Variants in RALYL observed in about 807,000 individuals in gnomAD.
The protein encoded by RALYL is RNA-binding Raly-like protein.
Under a neutral mutation model 35.1 loss-of-function variants are expected in RALYL, and 29 were observed. The observed-to-expected ratio is 0.83, with a 90% CI of 0.61 to 1.13. The LOEUF is 1.13. RALYL is among the 50% of genes most tolerant of loss of function. The pLI is 0.00. For missense variants in RALYL, 359 were observed against 360.4 expected, an observed-to-expected ratio of 1.00 and a Z score of 0.03; for synonymous variants, 120 against 127.6, an observed-to-expected ratio of 0.94 and a Z score of 0.40.
chr8:84,889,543 T>A (rs1447540521), intron 8 of RALYL, among the ~76,000 whole-genome samples: 1 of 152,146 alleles, frequency 6.6e-6, no homozygotes, highest in East Asian at 1.9e-4. Context: ...TTAGGCCATC[T>A]TCTCTTTCTA....
chr8:84,632,368 AT>A (rs1366139438), intron 2 of RALYL, among the ~76,000 whole-genome samples: 1 of 151,920 alleles, frequency 6.6e-6, no homozygotes, highest in African/African-American at 2.4e-5. Flanking sequence ...ATGGGAAGAA[AT>A]TTTTTTCCAA....
At chr8:84,690,599 T>C (rs985338167) in intron 2 of RALYL, among the ~76,000 whole-genome samples, 1 of 152,132 alleles carries the variant, frequency 6.6e-6, no homozygotes, top group Non-Finnish European at 1.5e-5. Flanking sequence ...TATACAATTA[T>C]AAATTGTAAA....
chr8:84,707,283 G>A (rs1350637282), intron 2 of RALYL, among the ~76,000 whole-genome samples: 1 of 151,968 alleles, frequency 6.6e-6, no homozygotes, highest in African/African-American at 2.4e-5. Flanking sequence ...ACTTTTTTCA[G>A]GTAAAAATGA....
intron 2 of RALYL, among the ~76,000 whole-genome samples, chr8:84,661,943 T>C (rs1330534859): frequency 3.0e-5 from 4 of 132,926 alleles, no homozygotes; most frequent in African/African-American, 1.3e-4. Context: ...TTTGTTACTG[T>C]TTTTTTTTTT....
At chr8:84,374,357 T>C (rs1157982248) in intron 1 of RALYL, among the ~76,000 whole-genome samples, 2 of 151,968 alleles carry the variant, frequency 1.3e-5, no homozygotes, top group African/African-American at 2.4e-5. Context: ...CATAGGTACC[T>C]CTTATTATTT....
rs1008989027 is a variant in RALYL, at chr8:84,677,269, A to T, written c.257-97310A>T. Among the ~76,000 whole-genome samples, 3 of 152,238 alleles carry T rather than the reference A, an allele frequency of 2.0e-5. No homozygotes were observed. The East Asian group carries it at 5.8e-4, about 29-fold the overall frequency. On this transcript the variant is annotated intron_variant, in intron 2 of 8. Coordinates refer to ENST00000521268, the MANE Select transcript of RALYL (RefSeq NM_173848.7). ...TTTGATCTTGATTAGCCTTTTATTA[A>T]ATAGACCAATAAAAAGTTAAAATTA...
intron 1 of RALYL, among the ~76,000 whole-genome samples, chr8:84,385,051 C>T (rs1858885201): frequency 6.6e-6 from 1 of 151,706 alleles, no homozygotes; most frequent in Non-Finnish European, 1.5e-5. Context: ...TATTCTTCCA[C>T]CCCCACAAAG....
intron 1 of RALYL, among the ~76,000 whole-genome samples, chr8:84,358,359 A>G (rs1276422994): frequency 1.3e-5 from 2 of 151,726 alleles, no homozygotes; most frequent in Non-Finnish European, 2.9e-5. Context: ...GTTCCCCAGA[A>G]CTCTTCTTAG....
intron 2 of RALYL, among the ~76,000 whole-genome samples, chr8:84,728,656 G>C (rs1277712532): frequency 6.6e-6 from 1 of 152,088 alleles, no homozygotes; most frequent in Non-Finnish European, 1.5e-5. Context: ...TTTGTATAAG[G>C]TGTAAGGAAG....
At chr8:84,665,460 T>A (rs535029253) in intron 2 of RALYL, among the ~76,000 whole-genome samples, 1 of 152,190 alleles carries the variant, frequency 6.6e-6, no homozygotes, top group African/African-American at 2.4e-5. Context: ...TATTTATAGC[T>A]GCTTATTACT....
intron 1 of RALYL, among the ~76,000 whole-genome samples, chr8:84,410,611 G>A (rs539075230): frequency 1.5e-4 from 23 of 151,490 alleles, no homozygotes; most frequent in Middle Eastern, 3.5e-3. Context: ...ACAATATGTC[G>A]TTTTTAAAAA....
At chr8:84,483,570 C>A (rs1198317096) in intron 1 of RALYL, among the ~76,000 whole-genome samples, 5 of 152,002 alleles carry the variant, frequency 3.3e-5, no homozygotes. Flanking sequence ...AATAATGTAC[C>A]TTTGTCCTTA....
chr8:84,215,841 A>G (rs1412163061), intron 1 of RALYL, among the ~76,000 whole-genome samples: 1 of 152,200 alleles, frequency 6.6e-6, no homozygotes, highest in Non-Finnish European at 1.5e-5. Flanking sequence ...ATACTTTTTG[A>G]TAAGTAATGC....
intron 1 of RALYL, among the ~76,000 whole-genome samples, chr8:84,312,902 G>A (rs1395368493): frequency 1.3e-5 from 2 of 152,240 alleles, no homozygotes; most frequent in South Asian, 2.1e-4. Flanking sequence ...GGGATCCTGT[G>A]TGGGGACTCC....
At chr8:84,836,065 A>T (rs922762656) in intron 4 of RALYL, among the ~76,000 whole-genome samples, 4 of 152,184 alleles carry the variant, frequency 2.6e-5, no homozygotes, top group African/African-American at 9.7e-5. Flanking sequence ...TTATTTAAGT[A>T]TGCTTCCTAA....
chr8:84,569,049 T>G (rs1807235730), intron 2 of RALYL, among the ~76,000 whole-genome samples: 1 of 150,312 alleles, frequency 6.7e-6, no homozygotes, highest in South Asian at 2.1e-4. Flanking sequence ...CTCTTTAGTT[T>G]AATTAGATCC....
chr8:84,845,835 T>G (rs748075409), intron 4 of RALYL, among the ~76,000 whole-genome samples: 17 of 152,184 alleles, frequency 1.1e-4, no homozygotes, highest in Non-Finnish European at 2.1e-4. Context: ...GGTGAAAGGT[T>G]GTGGTCTAGC....
intron 2 of RALYL, among the ~76,000 whole-genome samples, chr8:84,680,566 T>C (rs922471135): frequency 7.9e-5 from 12 of 152,204 alleles, no homozygotes; most frequent in African/African-American, 2.4e-4. Context: ...TGGTATCTCA[T>C]TGTGGTTTTG....
At chr8:84,900,584 C>T (rs566573789) in intron 8 of RALYL, among the ~76,000 whole-genome samples, 1 of 151,864 alleles carries the variant, frequency 6.6e-6, no homozygotes, top group South Asian at 2.1e-4. Flanking sequence ...GAGGTTGAGG[C>T]AGGAGAATGG....
Sources: allele counts gnomAD v4.1 joint callset (sites outside exome capture counted in the v4.1 genomes callset), GRCh38; gene constraint gnomAD v4.1.1; transcripts MANE v1.5; gene names NCBI Gene and HGNC (gene_info 2026-07-23, HGNC 2026-07-21).